Variants in CDH13 observed in about 807,000 individuals in gnomAD.
CDH13 encodes cadherin 13, also known as cadherin-13.
Under a neutral mutation model 63.8 loss-of-function variants are expected in CDH13, and 24 were observed. That is an observed-to-expected ratio of 0.38 (90% CI 0.27 to 0.53). CDH13 has a LOEUF of 0.53. Among genes scored for constraint, CDH13 ranks in the 20% least tolerant of loss-of-function variants. CDH13 has a pLI of 0.85. For synonymous variants in CDH13, 503 were observed against 355.3 expected (o/e 1.42, Z -4.67); for missense variants, 1,049 against 903.1 (o/e 1.16, Z -2.07).
chr16:83,248,151 C>T (rs1905149020), intron 5 of CDH13, among the ~76,000 whole-genome samples: 1 of 152,056 alleles, frequency 6.6e-6, no homozygotes, highest in Admixed American at 6.5e-5. Context: ...GGCTTTCTTC[C>T]ACTCACAGCG....
chr16:82,743,547 G>A (rs1009726098), intron 1 of CDH13, among the ~76,000 whole-genome samples: 1 of 152,192 alleles, frequency 6.6e-6, no homozygotes, highest in African/African-American at 2.4e-5. Context: ...GGCATAATTT[G>A]AAATCTGTTG....
rs34129168 is a variant in CDH13 at position 83,540,065 on chromosome 16, A to ATTT, written c.960+53426_960+53428dup. The stretch of plus-strand genomic sequence containing the variant: ...AAATTCTTTATGTTATTGTCAATAA[A>ATTT]TTTTTTTTTTTTTTTTTTGAGATGG... On this transcript the variant is annotated intron_variant, in intron 7 of 13. Coordinates refer to ENST00000567109, the MANE Select transcript of CDH13 (RefSeq NM_001257.5). 6.1e-4 allele frequency among the ~76,000 whole-genome samples: 84 copies of ATTT among 137,248 alleles called. 1 individual carries two copies. In the East Asian group the frequency reaches 0.016, roughly 25 times the overall value. 90.0% of individuals were successfully genotyped at this position (137,248 alleles called of 152,430 possible).
chr16:82,678,432 G>T (rs1185894807), intron 1 of CDH13, among the ~76,000 whole-genome samples: 1 of 151,144 alleles, frequency 6.6e-6, no homozygotes, highest in Admixed American at 6.6e-5. Flanking sequence ...TTTCAGTCTA[G>T]AATGTTCACT....
chr16:83,359,113 A>T (rs2091111090), intron 6 of CDH13, among the ~76,000 whole-genome samples: 1 of 152,148 alleles, frequency 6.6e-6, no homozygotes, highest in East Asian at 1.9e-4. Flanking sequence ...GTTGAAGTGC[A>T]TCATGAGAAA....
At chr16:83,741,078 C>T (rs1005610006) in intron 10 of CDH13, among the ~76,000 whole-genome samples, 5 of 152,208 alleles carry the variant, frequency 3.3e-5, no homozygotes, top group African/African-American at 1.2e-4. Context: ...AGGAAGAGAA[C>T]AGTACCCTGG....
intron 1 of CDH13, among the ~76,000 whole-genome samples, chr16:82,750,790 T>TC (rs2151069333): frequency 6.6e-6 from 1 of 152,270 alleles, no homozygotes; most frequent in East Asian, 1.9e-4. Flanking sequence ...GATTTTTTTT[T>TC]TCCCAACAGC....
At chr16:82,897,142 G>A (rs904001572) in intron 2 of CDH13, among the ~76,000 whole-genome samples, 8 of 151,972 alleles carry the variant, frequency 5.3e-5, no homozygotes, top group African/African-American at 1.7e-4. Context: ...AGCCAAAGTT[G>A]CCCATCAAAA....
At chr16:83,412,102 C>T (rs912288085) in intron 6 of CDH13, among the ~76,000 whole-genome samples, 5 of 152,284 alleles carry the variant, frequency 3.3e-5, no homozygotes, top group Admixed American at 3.3e-4. Context: ...CCATTAATGA[C>T]CACTTAAGAA....
intron 1 of CDH13, chr16:82,705,037 C>A (rs969211327): frequency 9.6e-6 from 4 of 417,100 alleles, no homozygotes; most frequent in Admixed American, 3.0e-5. Context: ...GGAAAATAAA[C>A]GGTTTCTTCT....
intron 2 of CDH13, among the ~76,000 whole-genome samples, chr16:82,872,537 G>A (rs766196054): frequency 2.6e-5 from 4 of 152,198 alleles, no homozygotes; most frequent in Non-Finnish European, 5.9e-5. Context: ...ATTAAGCATA[G>A]CTTTAAATAG....
At chr16:83,260,097 T>TGCGCACAC (rs1358317107) in intron 5 of CDH13, among the ~76,000 whole-genome samples, 1 of 126,522 alleles carries the variant, frequency 7.9e-6, no homozygotes, top group African/African-American at 2.9e-5. Flanking sequence ...GTACCCCCAA[T>TGCGCACAC]ACACACACAC....
chr16:82,936,484 C>T (rs927088928), intron 2 of CDH13, among the ~76,000 whole-genome samples: 1 of 152,064 alleles, frequency 6.6e-6, no homozygotes, highest in Non-Finnish European at 1.5e-5. Flanking sequence ...TTCCCCATCC[C>T]ATGAAAAAAT....
At chr16:83,174,658 G>A (rs536679802) in intron 4 of CDH13, among the ~76,000 whole-genome samples, 2 of 152,060 alleles carry the variant, frequency 1.3e-5, no homozygotes, top group Admixed American at 6.6e-5. Flanking sequence ...TTTAGTTTAC[G>A]AGCCATATGT....
intron 4 of CDH13, among the ~76,000 whole-genome samples, chr16:83,203,582 G>A (rs978423814): frequency 2.8e-5 from 4 of 143,342 alleles, no homozygotes; most frequent in Non-Finnish European, 4.5e-5. Flanking sequence ...AGCTACTTGG[G>A]AGGCTGAGGC....
intron 3 of CDH13, among the ~76,000 whole-genome samples, chr16:83,085,873 CAAAG>C (rs998306404): frequency 1.3e-5 from 2 of 152,174 alleles, no homozygotes; most frequent in South Asian, 4.1e-4. Flanking sequence ...CCAGAGTAAA[CAAAG>C]AACCCTTAAT....
At chr16:83,397,180 T>A (rs1170175306) in intron 6 of CDH13, among the ~76,000 whole-genome samples, 1 of 152,244 alleles carries the variant, frequency 6.6e-6, no homozygotes, top group Non-Finnish European at 1.5e-5. Context: ...CTCACCAAGT[T>A]GTGTTTCCCC....
At chr16:83,063,688 G>T (rs979226840) in intron 3 of CDH13, among the ~76,000 whole-genome samples, 1 of 152,118 alleles carries the variant, frequency 6.6e-6, no homozygotes, top group Non-Finnish European at 1.5e-5. Context: ...AAACTTTGTG[G>T]CTTAAAACAA....
chr16:82,826,980 C>A (rs185895604), intron 1 of CDH13, among the ~76,000 whole-genome samples: 45 of 152,266 alleles, frequency 3.0e-4, no homozygotes, highest in African/African-American at 1.1e-3. Flanking sequence ...AAATGCCACA[C>A]GGCTGGCTTT....
At chr16:83,116,809 GC>G (rs1233917773) in intron 3 of CDH13, among the ~76,000 whole-genome samples, 2 of 152,110 alleles carry the variant, frequency 1.3e-5, no homozygotes, top group African/African-American at 4.8e-5. Context: ...AATACTGCAG[GC>G]GAGAGGGGCT....
Sources: gnomAD v4.1 joint callset for allele counts (sites outside exome capture counted in the v4.1 genomes callset) on GRCh38, gnomAD v4.1.1 for gene constraint, MANE v1.5 for transcripts, NCBI Gene and HGNC (gene_info 2026-07-23, HGNC 2026-07-21) for gene names.